SGK3: variants seen among roughly 807,000 people sequenced by gnomAD.
SGK3 encodes the protein serum/glucocorticoid regulated kinase family member 3, also known as serine/threonine-protein kinase Sgk3.
A neutral mutation model predicts 68.5 loss-of-function variants in SGK3; 47 were observed. The ratio of observed to expected loss-of-function variants is 0.69; its 90% CI spans 0.54 to 0.87. SGK3 has a LOEUF of 0.87. SGK3 is among the 40% of genes least tolerant of loss of function. The pLI is 0.00. For synonymous variants in SGK3, 181 were observed against 189.1 expected (o/e 0.96, Z 0.35); for missense variants, 479 against 575.5 (o/e 0.83, Z 1.72).
At chr8:66,767,387 A>C in intron 1 of SGK3, 1 of 1,236,920 alleles carries the variant, frequency 8.1e-7, no homozygotes, top group Non-Finnish European at 1.2e-6. Flanking sequence ...ACTCTAAAGC[A>C]CTAAGAAATT....
At position 66,792,104 on chromosome 8, in the gene SGK3, T is replaced by A. The variant is rs888234863; in HGVS notation, c.-121-1512T>A. Among the ~76,000 whole-genome samples the A allele has an allele frequency of 7.2e-5, 11 of 151,982 alleles. 1 individual carries two copies. Among genetic ancestry groups the A allele is most frequent in the African/African-American group, 2.7e-4 (11 of 41,372 alleles). On this transcript the variant is annotated intron_variant, in intron 1 of 16. Coordinates refer to ENST00000521198, the MANE Select transcript of SGK3 (RefSeq NM_001033578.3). ...CAGCACTTTGGAAGGCCGAGGCAGG[T>A]GGATCACCTAAGGTCAGGAGTTTGA...
chr8:66,842,855 G>T (rs1809852175), intron 13 of SGK3, among the ~76,000 whole-genome samples: 1 of 152,096 alleles, frequency 6.6e-6, no homozygotes, highest in Non-Finnish European at 1.5e-5. Context: ...GATTGCTTGA[G>T]CCCAGAAGTT....
At chr8:66,741,670 C>G (rs952117918) in intron 1 of SGK3, among the ~76,000 whole-genome samples, 1 of 151,982 alleles carries the variant, frequency 6.6e-6, no homozygotes, top group Admixed American at 6.6e-5. Context: ...AGTTTGAGAC[C>G]AGCCTGGACA....
chr8:66,804,426 T>A lies in SGK3; in HGVS notation c.232T>A (p.Phe78Ile), dbSNP rs1347240660. 6.2e-7 allele frequency: 1 copy of A among 1,612,596 alleles called. No individual in the cohort carries two copies. The highest frequency in any genetic ancestry group is 2.2e-5 in the East Asian group (1 of 44,786). The change falls in exon 4 of 17, where the codon TTT (phenylalanine) becomes ATT (isoleucine). Residue 78 changes from phenylalanine to isoleucine, a missense_variant. By Grantham distance (21) the Phe-to-Ile change is conservative. Around this residue, in one of 3 missense-constraint regions of SGK3, gnomAD observed 298 missense variants for 329.4 expected, o/e 0.90. Transcript: ENST00000521198. The part of the protein sequence containing the change: ...MALKIPAKRI[F>I]GDNFDPDFIK... ...CCTGAAGATTCCTGCCAAGAGAATATTTGGTGATAATTTTGATCCAGGTAA... is the reference window on the plus strand; with the variant it reads ...CCTGAAGATTCCTGCCAAGAGAATAATTGGTGATAATTTTGATCCAGGTAA...
In SGK3 at chr8:66,804,369, T is replaced by C. The variant is rs747973425; in HGVS notation, c.181-6T>C. 8.7e-6 allele frequency: 14 copies of C among 1,604,792 alleles called. No homozygotes were observed. Among genetic ancestry groups the C allele is most frequent in the African/African-American group, 1.3e-5 (1 of 74,670 alleles). ...GTTCATATAATGTTATTTTTAAAAA[T>C]TTTAGTTAAAAAAACAGTTTCCTGC... is the stretch of plus-strand genomic sequence containing the variant. On this transcript the variant is annotated splice_polypyrimidine_tract_variant and splice_region_variant and intron_variant, in intron 3 of 16. Coordinates refer to ENST00000521198, the MANE Select transcript of SGK3 (RefSeq NM_001033578.3).
chr8:66,824,937 C>G (rs1287818059), intron 6 of SGK3, among the ~76,000 whole-genome samples: 1 of 152,098 alleles, frequency 6.6e-6, no homozygotes, highest in Non-Finnish European at 1.5e-5. Context: ...AACCTTTTTC[C>G]TAATACTTTT....
intron 1 of SGK3, among the ~76,000 whole-genome samples, chr8:66,736,766 T>C (rs1490410440): frequency 6.6e-6 from 1 of 151,948 alleles, no homozygotes; most frequent in African/African-American, 2.4e-5. Context: ...ATTATAGGTG[T>C]GTGCCACCAT....
chr8:66,804,419 G>A lies in SGK3; in HGVS notation c.225G>A (p.Lys75=), dbSNP rs1216237163. ...FPAMALKIPA[K]RIFGDNFDPD... Reference sequence around the variant, plus strand: ...CTATGGCCCTGAAGATTCCTGCCAAGAGAATATTTGGTGATAATTTTGATC... The same window carrying A: ...CTATGGCCCTGAAGATTCCTGCCAAAAGAATATTTGGTGATAATTTTGATC... The change falls in exon 4 of 17, where the codon AAG becomes AAA. Residue 75 remains lysine (K), a synonymous_variant. Coordinates refer to ENST00000521198, the MANE Select transcript of SGK3 (RefSeq NM_001033578.3). 6.2e-7 allele frequency: 1 copy of A among 1,612,514 alleles called. No homozygotes were observed. Among genetic ancestry groups the A allele is most frequent in the Non-Finnish European group, 8.5e-7 (1 of 1,179,500 alleles).
intron 4 of SGK3, among the ~76,000 whole-genome samples, chr8:66,809,791 A>T (rs980217312): frequency 2.0e-5 from 3 of 152,252 alleles, no homozygotes; most frequent in Non-Finnish European, 4.4e-5. Context: ...CTAGGCAAAG[A>T]TCATCAGTGA....
intron 8 of SGK3, among the ~76,000 whole-genome samples, chr8:66,833,971 G>A (rs1460547419): frequency 2.0e-5 from 3 of 152,368 alleles, no homozygotes; most frequent in South Asian, 2.1e-4. Flanking sequence ...GATTACAGGC[G>A]TGAGCCACCA....
chr8:66,767,701 T>G (rs879060935), intron 1 of SGK3: 1 of 1,457,062 alleles, frequency 6.9e-7, no homozygotes, highest in Non-Finnish European at 9.6e-7. Flanking sequence ...AGGAACAGAG[T>G]TTTTTGCTTT....
rs190462955 is a variant in SGK3, at chr8:66,730,793, T to A, written c.-122+17960T>A. 2.8e-3 allele frequency among the ~76,000 whole-genome samples: 426 copies of A among 152,130 alleles called. 2 individuals carry two copies. The highest frequency in any genetic ancestry group is 9.9e-3 in the African/African-American group (411 of 41,526). ...CCCATGTTCAAGCAATTCTCCTGCC[T>A]CAGCCTCTAGAGTAGCTGGGATTGC... On this transcript the variant is annotated intron_variant, in intron 1 of 16. Transcript: ENST00000521198.
intron 1 of SGK3, among the ~76,000 whole-genome samples, chr8:66,738,846 G>A (rs1585650869): frequency 6.6e-6 from 1 of 152,130 alleles, no homozygotes; most frequent in Non-Finnish European, 1.5e-5. Context: ...TAGCCAGGAT[G>A]GTCTCAATCT....
chr8:66,732,320 T>C (rs1437399542), intron 1 of SGK3, among the ~76,000 whole-genome samples: 1 of 152,000 alleles, frequency 6.6e-6, no homozygotes, highest in Non-Finnish European at 1.5e-5. Context: ...TTTGTGAAAA[T>C]GATATAATTT....
chr8:66,749,716 C>T (rs542479540), intron 1 of SGK3, among the ~76,000 whole-genome samples: 29 of 151,822 alleles, frequency 1.9e-4, no homozygotes, highest in Non-Finnish European at 3.1e-4. Context: ...AAATTAGAGA[C>T]GATTGATTTA....
chr8:66,726,801 T>TAAAA (rs560794837), intron 1 of SGK3, among the ~76,000 whole-genome samples: 42 of 80,962 alleles, frequency 5.2e-4, no homozygotes, highest in African/African-American at 2.1e-3. Context: ...ACCCTGTCTG[T>TAAAA]AAAAAAAAAA....
chr8:66,723,121 ATATATATATATTTTT>A (rs1804863321), intron 1 of SGK3, among the ~76,000 whole-genome samples: 28 of 50,846 alleles, frequency 5.5e-4, no homozygotes, highest in African/African-American at 2.1e-3. Flanking sequence ...ATATATATAT[ATATATATATATTTTT>A]TTTTTTTTTT....
chr8:66,805,320 C>T (rs888507274), intron 4 of SGK3, among the ~76,000 whole-genome samples: 1 of 151,828 alleles, frequency 6.6e-6, no homozygotes, highest in Admixed American at 6.6e-5. Context: ...GAGATCGAGA[C>T]CATCCTGGCT....
At chr8:66,752,918 G>C (rs1805865762) in intron 1 of SGK3, among the ~76,000 whole-genome samples, 1 of 151,950 alleles carries the variant, frequency 6.6e-6, no homozygotes, top group Non-Finnish European at 1.5e-5. Context: ...GCATGATCAT[G>C]GCTCACTATA....
Sources: gnomAD v4.1 joint callset for allele counts (sites outside exome capture counted in the v4.1 genomes callset) on GRCh38, gnomAD v4.1.1 for gene constraint, gnomAD v4.1.1 regional missense constraint, MANE v1.5 for transcripts, NCBI Gene and HGNC (gene_info 2026-07-23, HGNC 2026-07-21) for gene names.